The following GAREM1 variants were observed in gnomAD, a reference collection of about 807,000 sequenced individuals.
GAREM1 encodes GRB2-associated and regulator of MAPK protein 1.
Under a neutral mutation model 71.3 loss-of-function variants are expected in GAREM1, and 26 were observed. That is an observed-to-expected ratio of 0.36 (90% CI 0.27 to 0.51). The LOEUF (loss-of-function observed/expected upper bound fraction) is 0.51, where lower values mean the gene tolerates loss of function less well. Among genes scored for constraint, GAREM1 ranks in the 20% least tolerant of loss-of-function variants. GAREM1 has a pLI of 0.95. For missense variants in GAREM1, 1,026 were observed against 1,103.1 expected (o/e 0.93, Z 0.99); for synonymous variants, 440 against 433.2 (o/e 1.02, Z -0.20).
chr18:32,408,630 T>C (rs2048387621), intron 1 of GAREM1, among the ~76,000 whole-genome samples: 1 of 152,108 alleles, frequency 6.6e-6, no homozygotes, highest in Non-Finnish European at 1.5e-5. Flanking sequence ...CATTTGACCA[T>C]TGTTAAGACT....
intron 1 of GAREM1, among the ~76,000 whole-genome samples, chr18:32,461,126 A>G (rs1424876241): frequency 2.0e-5 from 3 of 152,210 alleles, no homozygotes; most frequent in African/African-American, 7.2e-5. Flanking sequence ...AAATGAAACA[A>G]AAGTGACATT....
At chr18:32,447,758 C>T (rs1432446496) in intron 1 of GAREM1, among the ~76,000 whole-genome samples, 4 of 152,080 alleles carry the variant, frequency 2.6e-5, no homozygotes, top group African/African-American at 9.7e-5. Flanking sequence ...ACTTCCCCAT[C>T]CGCTTTGCAC....
At chr18:32,457,226 A>AGAGAGGGTGTGT (rs1555648709) in intron 1 of GAREM1, among the ~76,000 whole-genome samples, 1 of 81,926 alleles carries the variant, frequency 1.2e-5, no homozygotes, top group African/African-American at 4.2e-5. Context: ...AGAGAGAGAG[A>AGAGAGGGTGTGT]GTGTGTGTGT....
At chr18:32,362,039 A>C (rs1296697683) in intron 2 of GAREM1, among the ~76,000 whole-genome samples, 1 of 152,178 alleles carries the variant, frequency 6.6e-6, no homozygotes, top group Non-Finnish European at 1.5e-5. Context: ...GCAACTAAAA[A>C]CTATCATGCT....
intron 2 of GAREM1, among the ~76,000 whole-genome samples, chr18:32,366,748 T>C (rs1230081316): frequency 1.3e-5 from 2 of 152,234 alleles, no homozygotes; most frequent in Non-Finnish European, 2.9e-5. Context: ...TAAATTATGT[T>C]TTGTTTCCGG....
At chr18:32,364,271 G>A (rs1047871574) in intron 2 of GAREM1, among the ~76,000 whole-genome samples, 1 of 151,372 alleles carries the variant, frequency 6.6e-6, no homozygotes, top group Non-Finnish European at 1.5e-5. Flanking sequence ...CTGGCCTCAA[G>A]TGATCTGCTT....
intron 2 of GAREM1, among the ~76,000 whole-genome samples, chr18:32,373,516 T>A (rs2048006028): frequency 6.6e-6 from 1 of 152,172 alleles, no homozygotes; most frequent in Admixed American, 6.5e-5. Context: ...TTCCTTCACA[T>A]TTTCCTAAGA....
chr18:32,285,311 C>G (rs2047001982), intron 4 of GAREM1, among the ~76,000 whole-genome samples: 1 of 152,190 alleles, frequency 6.6e-6, no homozygotes, highest in Non-Finnish European at 1.5e-5. Context: ...CAGGAAAGCT[C>G]TGCAGCAATG....
chr18:32,410,441 T>C lies in GAREM1; in HGVS notation c.122-17406A>G, dbSNP rs546136317. Among the ~76,000 whole-genome samples the C allele has an allele frequency of 9.8e-5, 15 of 152,308 alleles. 1 individual carries two copies. The highest frequency in any genetic ancestry group is 2.0e-4 in the Admixed American group (3 of 15,294). Reference sequence around the variant, plus strand: ...ATAGCTCAATGCAGCCATGAACTCCTGGGCTCAATGATTCTCCTGCCTTAG... The same window carrying C: ...ATAGCTCAATGCAGCCATGAACTCCCGGGCTCAATGATTCTCCTGCCTTAG... On this transcript the variant is annotated intron_variant, in intron 1 of 5. Coordinates refer to ENST00000269209, the MANE Select transcript of GAREM1 (RefSeq NM_001242409.2).
chr18:32,309,912 T>C (rs1254721288), intron 3 of GAREM1, among the ~76,000 whole-genome samples: 2 of 152,174 alleles, frequency 1.3e-5, no homozygotes, highest in African/African-American at 4.8e-5. Flanking sequence ...TATTAGAAAA[T>C]GAAGTCCAAA....
In GAREM1 at chr18:32,292,514, G is replaced by T. The variant is rs185669683; in HGVS notation, c.394-4311C>A. On this transcript the variant is annotated intron_variant, in intron 3 of 5. Coordinates refer to ENST00000269209, the MANE Select transcript of GAREM1 (RefSeq NM_001242409.2). The stretch of plus-strand genomic sequence containing the variant: ...TGTGACCCCAACCAAATCTCACCTG[G>T]AATTGTAATAATCCCCACTTGTCAA... Among the ~76,000 whole-genome samples the T allele has an allele frequency of 3.9e-5, 6 of 152,234 alleles. No homozygotes were observed. The East Asian group carries it at 9.7e-4, about 25-fold the overall frequency.
chr18:32,420,599 G>A (rs111822847), intron 1 of GAREM1, among the ~76,000 whole-genome samples: 1 of 151,980 alleles, frequency 6.6e-6, no homozygotes, highest in Non-Finnish European at 1.5e-5. Flanking sequence ...TGTAAAAAAC[G>A]TTTCCATTTA....
intron 1 of GAREM1, among the ~76,000 whole-genome samples, chr18:32,396,924 C>T (rs1469271324): frequency 6.6e-6 from 1 of 152,142 alleles, no homozygotes; most frequent in Admixed American, 6.5e-5. Flanking sequence ...GGGTTATCCA[C>T]AAAGGGAAGC....
At chr18:32,323,303 T>C (rs1362019979) in intron 2 of GAREM1, among the ~76,000 whole-genome samples, 1 of 152,206 alleles carries the variant, frequency 6.6e-6, no homozygotes, top group Admixed American at 6.5e-5. Flanking sequence ...TTAATGTTGG[T>C]CAAGAAATGT....
At chr18:32,457,682 A>G (rs1462238228) in intron 1 of GAREM1, among the ~76,000 whole-genome samples, 1 of 152,174 alleles carries the variant, frequency 6.6e-6, no homozygotes, top group Non-Finnish European at 1.5e-5. Context: ...AGCAACTGCC[A>G]CCACAACACT....
intron 2 of GAREM1, among the ~76,000 whole-genome samples, chr18:32,370,514 A>G (rs955437885): frequency 2.0e-5 from 3 of 151,872 alleles, no homozygotes; most frequent in Non-Finnish European, 4.4e-5. Flanking sequence ...TTAAGTCAAT[A>G]TTCTTTAATT....
intron 2 of GAREM1, among the ~76,000 whole-genome samples, chr18:32,387,342 T>C (rs964775598): frequency 2.6e-5 from 4 of 152,186 alleles, no homozygotes; most frequent in Non-Finnish European, 2.9e-5. Context: ...GAGCTAGCAA[T>C]GTCTGACACA....
intron 1 of GAREM1, among the ~76,000 whole-genome samples, chr18:32,439,944 C>A (rs2048717739): frequency 6.6e-6 from 1 of 152,172 alleles, no homozygotes; most frequent in Non-Finnish European, 1.5e-5. Flanking sequence ...CCCCCAGTCC[C>A]AAGAGTTAGC....
intron 1 of GAREM1, among the ~76,000 whole-genome samples, chr18:32,417,603 T>A (rs2048477347): frequency 6.6e-6 from 1 of 152,020 alleles, no homozygotes; most frequent in East Asian, 1.9e-4. Context: ...TTATGTTAAG[T>A]GAAATAAGCC....
Sources: gnomAD v4.1 joint callset for allele counts (sites outside exome capture counted in the v4.1 genomes callset) on GRCh38, gnomAD v4.1.1 for gene constraint, MANE v1.5 for transcripts, NCBI Gene and HGNC (gene_info 2026-07-23, HGNC 2026-07-21) for gene names.